The following IFITM5 variants were observed in gnomAD, a reference collection of about 807,000 sequenced individuals.
The protein encoded by IFITM5 is interferon-induced transmembrane protein 5.
A neutral mutation model predicts 9.2 loss-of-function variants in IFITM5; 10 were observed. The observed-to-expected ratio is 1.09, with a 90% CI of 0.67 to 1.85. The LOEUF is 1.85. Among genes scored for constraint, IFITM5 ranks in the 40% most tolerant of loss-of-function variants. The pLI, the probability that IFITM5 is intolerant of heterozygous loss-of-function variation, is 0.00. For synonymous variants in IFITM5, 93 were observed against 86.6 expected (o/e 1.07, Z -0.41); for missense variants, 225 against 182.6 (o/e 1.23, Z -1.34).
In IFITM5 at chr11:299,323, C is replaced by A; in HGVS notation, c.168G>T (p.Ala56=). Residue 56 remains alanine (A), a synonymous_variant, in exon 1 of 2, where the codon GCG becomes GCT. Transcript: ENST00000382614. ...YLNLCCLGFL[A]LAYSIKARDQ... is the part of the protein sequence containing the mutation. ...TGCCCACCTTGATGGAGTAGGCCAG[C>A]GCCAGGAAGCCGAGGCAACACAGAT... is the stretch of plus-strand genomic sequence containing the variant. 1 of 1,600,114 alleles carries A rather than the reference C, an allele frequency of 6.2e-7. No homozygotes were observed. The highest frequency in any genetic ancestry group is 2.3e-5 in the East Asian group (1 of 43,724).
Position 298,381 on chromosome 11 carries a change from G to T in IFITM5, c.*120C>A. 9.1e-7 allele frequency: 1 copy of T among 1,093,236 alleles called. No individual in the cohort carries two copies. Among genetic ancestry groups the T allele is most frequent in the Non-Finnish European group, 1.3e-6 (1 of 763,506 alleles). 67.7% of individuals were successfully genotyped at this position (1,093,236 alleles called of 1,614,324 possible). ...CTGGAGGGCCCCAGGATCAGGATGG[G>T]GCAGGGATGGAGGCCCCACAGAAGG... On this transcript the variant is annotated 3_prime_UTR_variant, in exon 2 of 2. Coordinates refer to ENST00000382614, the MANE Select transcript of IFITM5 (RefSeq NM_001025295.3).
chr11:299,299 G>A lies in IFITM5; in HGVS notation c.186+6C>T. On this transcript the variant is annotated splice_donor_region_variant and intron_variant, in intron 1 of 1. Transcript: ENST00000382614. Reference sequence around the variant, plus strand: ...CCCCCGCAACCTCGGTAGGGCCCCTGCCCACCTTGATGGAGTAGGCCAGCG... The same window carrying A: ...CCCCCGCAACCTCGGTAGGGCCCCTACCCACCTTGATGGAGTAGGCCAGCG... 4 of 1,583,174 alleles carry A rather than the reference G, an allele frequency of 2.5e-6. No individual in the cohort carries two copies. The highest frequency in any genetic ancestry group is 3.4e-6 in the Non-Finnish European group (4 of 1,165,600).
In IFITM5 at chr11:299,380, C is replaced by T. The variant is rs1414229371; in HGVS notation, c.111G>A (p.Leu37=). 6 of 1,590,180 alleles carry T rather than the reference C, an allele frequency of 3.8e-6. No homozygotes were observed. In the African/African-American group the frequency reaches 8.1e-5, roughly 22 times the overall value. ...AGAGGGTGCTGAACACCGACCAGAT[C>T]AAGTGGTCTCGAGGCGGGGGGTGCG... The part of the protein sequence containing the change: ...GAPHPPPRDH[L]IWSVFSTLYL... The change falls in exon 1 of 2, where the codon TTG becomes TTA. Residue 37 remains leucine (L), a synonymous_variant. Coordinates refer to ENST00000382614, the MANE Select transcript of IFITM5 (RefSeq NM_001025295.3).
Position 298,583 on chromosome 11 carries a change from G to C in IFITM5, c.317C>G (p.Thr106Ser). 2 of 1,613,578 alleles carry C rather than the reference G, an allele frequency of 1.2e-6. No homozygotes were observed. The highest frequency in any genetic ancestry group is 2.2e-5 in the South Asian group (2 of 91,084). ...CAGCCGGGCCAGGTGCAGGGCACCA[G>C]TCACCACCAGCCCCAGGAGCAGCAG... Reference protein sequence around the residue: ...PPLLLLGLVVTGALHLARLAK... With the variant: ...PPLLLLGLVVSGALHLARLAK... The change falls in exon 2 of 2, where the codon ACT (threonine) becomes AGT (serine). Residue 106 changes from threonine (T) to serine (S), a missense_variant. Thr to Ser is a moderately conservative substitution (Grantham distance 58). Transcript: ENST00000382614.
At position 298,577 on chromosome 11, in the gene IFITM5, G is replaced by A; in HGVS notation, c.323C>T (p.Ala108Val). Residue 108 changes from alanine to valine, a missense_variant, in exon 2 of 2, where the codon GCC becomes GTC. Ala to Val is a moderately conservative substitution (Grantham distance 64). Transcript: ENST00000382614. ...LLLLGLVVTG[A>V]LHLARLAKDS... ...CTTGGCCAGCCGGGCCAGGTGCAGG[G>A]CACCAGTCACCACCAGCCCCAGGAG... 1 of 1,613,506 alleles carries A rather than the reference G, an allele frequency of 6.2e-7. No individual in the cohort carries two copies. The highest frequency in any genetic ancestry group is 8.5e-7 in the Non-Finnish European group (1 of 1,179,992).
intron 1 of IFITM5, among the ~76,000 whole-genome samples, chr11:299,070 C>G (rs1323774097): frequency 6.6e-6 from 1 of 152,162 alleles, no homozygotes; most frequent in Non-Finnish European, 1.5e-5. Context: ...GGCCTCTGTG[C>G]TCTTGGATGG....
intron 1 of IFITM5, 78 bp downstream of exon 1, chr11:299,227 T>TC: frequency 4.6e-6 from 4 of 868,630 alleles, no homozygotes; most frequent in Non-Finnish European, 4.9e-6. Context: ...CCCACGGAGC[T>TC]CCCCATCCCT....
At chr11:299,067 G>A (rs1453108589) in intron 1 of IFITM5, among the ~76,000 whole-genome samples, 1 of 152,064 alleles carries the variant, frequency 6.6e-6, no homozygotes, top group South Asian at 2.1e-4. Context: ...AATGGCCTCT[G>A]TGCTCTTGGA....
rs1393668285 is a variant in IFITM5, at chr11:298,411, C to T, written c.*90G>A. On this transcript the variant is annotated 3_prime_UTR_variant, in exon 2 of 2. Coordinates refer to ENST00000382614, the MANE Select transcript of IFITM5 (RefSeq NM_001025295.3). ...GGATGGAGGCCCCACAGAAGGAGGGCCAGGCTCCGGGGAGTCAGTATTGGG... is the reference window on the plus strand; with the variant it reads ...GGATGGAGGCCCCACAGAAGGAGGGTCAGGCTCCGGGGAGTCAGTATTGGG... 10 of 1,394,760 alleles carry T rather than the reference C, an allele frequency of 7.2e-6. No individual in the cohort carries two copies. Among genetic ancestry groups the T allele is most frequent in the Non-Finnish European group, 9.8e-6 (10 of 1,023,538 alleles). 86.4% of individuals were successfully genotyped at this position (1,394,760 alleles called of 1,614,324 possible). A position where few individuals can be genotyped will look rare whatever the true frequency, so the allele number is the denominator to read the frequency against.
intron 1 of IFITM5, among the ~76,000 whole-genome samples, chr11:298,974 C>T (rs1184663832): frequency 6.6e-6 from 1 of 152,110 alleles, no homozygotes; most frequent in Admixed American, 6.5e-5. Context: ...CAGCCAGGAG[C>T]TGAAGTCAAA....
At position 299,219 on chromosome 11, in the gene IFITM5, C is replaced by A. The variant is rs11246058; in HGVS notation, c.186+86G>T. The A allele has an allele frequency of 0.1, 103,856 of 1,037,128 alleles. 8,919 individuals carry two copies. The highest frequency in any genetic ancestry group is 0.14 in the South Asian group (8,260 of 58,608). The allele number at this position is 1,037,128 out of a possible 1,614,324, so 64.2% of individuals were successfully genotyped here. ...GGCCCCCAGCACGGCAAGGACCCCC[C>A]ACGGAGCTCCCCATCCCTCCCCCTT... is the stretch of plus-strand genomic sequence containing the variant. On this transcript the variant is annotated intron_variant, in intron 1 of 1. Coordinates refer to ENST00000382614, the MANE Select transcript of IFITM5 (RefSeq NM_001025295.3).
rs974378948 is a variant in IFITM5, at chr11:298,396, C to A, written c.*105G>T. 1.6e-6 allele frequency: 2 copies of A among 1,244,880 alleles called. No individual in the cohort carries two copies. The highest frequency in any genetic ancestry group is 5.1e-5 in the East Asian group (2 of 39,370). The allele number at this position is 1,244,880 out of a possible 1,614,324, so 77.1% of individuals were successfully genotyped here. Reference sequence around the variant, plus strand: ...ATCAGGATGGGGCAGGGATGGAGGCCCCACAGAAGGAGGGCCAGGCTCCGG... The same window carrying A: ...ATCAGGATGGGGCAGGGATGGAGGCACCACAGAAGGAGGGCCAGGCTCCGG... On this transcript the variant is annotated 3_prime_UTR_variant, in exon 2 of 2. Transcript: ENST00000382614.
chr11:298,923 G>A (rs574335640), intron 1 of IFITM5, among the ~76,000 whole-genome samples: 1 of 152,162 alleles, frequency 6.6e-6, no homozygotes, highest in Non-Finnish European at 1.5e-5. Context: ...GCTCTCTATG[G>A]GTGAGGGTCC....
chr11:299,324 G>T lies in IFITM5; in HGVS notation c.167C>A (p.Ala56Glu). 1 of 1,600,386 alleles carries T rather than the reference G, an allele frequency of 6.2e-7. No homozygotes were observed. Among genetic ancestry groups the T allele is most frequent in the African/African-American group, 1.3e-5 (1 of 74,366 alleles). The change falls in exon 1 of 2, where the codon GCG becomes GAG. Residue 56 changes from alanine (A) to glutamate (E), a missense_variant. By Grantham distance (107) the Ala-to-Glu change is moderately radical (BLOSUM62 -1). Transcript: ENST00000382614. ...GCCCACCTTGATGGAGTAGGCCAGC[G>T]CCAGGAAGCCGAGGCAACACAGATT... Reference protein sequence around the residue: ...YLNLCCLGFLALAYSIKARDQ... With the variant: ...YLNLCCLGFLELAYSIKARDQ...
At position 299,416 on chromosome 11, in the gene IFITM5, T is replaced by C. The variant is rs1403236575; in HGVS notation, c.75A>G (p.Thr25=). 3 of 1,553,008 alleles carry C rather than the reference T, an allele frequency of 1.9e-6. No homozygotes were observed. The highest frequency in any genetic ancestry group is 2.6e-6 in the Non-Finnish European group (3 of 1,150,450). ...PSKAGAHTAL[T]LGAPHPPPRD... is the part of the protein sequence containing the mutation. ...GAGGCGGGGGGTGCGGGGCCCCCAG[T>C]GTGAGGGCTGTGTGGGCACCGGCCT... The change falls in exon 1 of 2, where the codon ACA becomes ACG. Residue 25 remains threonine, a synonymous_variant. Coordinates refer to ENST00000382614, the MANE Select transcript of IFITM5 (RefSeq NM_001025295.3).
In IFITM5 at chr11:299,515, A is replaced by G. The variant is rs1324336739; in HGVS notation, c.-25T>C. 2 of 1,442,322 alleles carry G rather than the reference A, an allele frequency of 1.4e-6. No homozygotes were observed. The highest frequency in any genetic ancestry group is 1.5e-5 in the African/African-American group (1 of 68,190). The allele number at this position is 1,442,322 out of a possible 1,614,324, so 89.3% of individuals were successfully genotyped here. ...TGGGTTCCAGCGCCGTCTCTTCCAC[A>G]CTCAGACTGGTGCTGGGAGGGTGGG... On this transcript the variant is annotated 5_prime_UTR_variant, in exon 1 of 2. Coordinates refer to ENST00000382614, the MANE Select transcript of IFITM5 (RefSeq NM_001025295.3).
rs192508891 is a variant in IFITM5 at position 299,334 on chromosome 11, C to T, written c.157G>A (p.Gly53Ser). Residue 53 changes from glycine (G) to serine (S), a missense_variant, in exon 1 of 2, where the codon GGC becomes AGC. By Grantham distance (56) the Gly-to-Ser change is moderately conservative (BLOSUM62 0). Coordinates refer to ENST00000382614, the MANE Select transcript of IFITM5 (RefSeq NM_001025295.3). Reference protein sequence around the residue: ...STLYLNLCCLGFLALAYSIKA... With the variant: ...STLYLNLCCLSFLALAYSIKA... The stretch of plus-strand genomic sequence containing the variant: ...ATGGAGTAGGCCAGCGCCAGGAAGC[C>T]GAGGCAACACAGATTCAGGTAGAGG... The T allele has an allele frequency of 8.0e-5, 128 of 1,602,608 alleles. No individual in the cohort carries two copies. Among genetic ancestry groups the T allele is most frequent in the East Asian group, 2.7e-4 (12 of 43,992 alleles).
chr11:299,232 A>G, intron 1 of IFITM5, 73 bp downstream of exon 1: 1 of 449,494 alleles, frequency 2.2e-6, no homozygotes, highest in Non-Finnish European at 3.5e-6. Context: ...GGAGCTCCCC[A>G]TCCCTCCCCC....
Position 298,451 on chromosome 11 carries a change from GCCTGGGGTCAGTGT to G in IFITM5, c.*36_*49del. The G allele has an allele frequency of 6.4e-7, 1 of 1,562,522 alleles. No homozygotes were observed. Among genetic ancestry groups the G allele is most frequent in the Non-Finnish European group, 8.7e-7 (1 of 1,149,720 alleles). Reference sequence around the variant, plus strand: ...TCAGTATTGGGCCCCAGGGGCAGCAGCCTGGGGTCAGTGTCCTGGGGCTAGTGCCCCAGATCAGG... The same window carrying G: ...TCAGTATTGGGCCCCAGGGGCAGCAGCCTGGGGCTAGTGCCCCAGATCAGG... On this transcript the variant is annotated 3_prime_UTR_variant, in exon 2 of 2. Transcript: ENST00000382614.
Sources: allele counts gnomAD v4.1 joint callset (sites outside exome capture counted in the v4.1 genomes callset), GRCh38; gene constraint gnomAD v4.1.1; transcripts MANE v1.5; gene names NCBI Gene and HGNC (gene_info 2026-07-23, HGNC 2026-07-21).